The following NEDD4 variants were observed in gnomAD, a reference collection of about 807,000 sequenced individuals.
The protein encoded by NEDD4 is E3 ubiquitin-protein ligase NEDD4.
A neutral mutation model predicts 144.9 loss-of-function variants in NEDD4; 99 were observed. That is an observed-to-expected ratio of 0.68 (90% CI 0.58 to 0.81). NEDD4 has a LOEUF of 0.81. NEDD4 is among the 30% of genes least tolerant of loss of function. NEDD4 has a pLI of 0.00. For missense variants in NEDD4, 985 were observed against 1,065.9 expected, an observed-to-expected ratio of 0.92 and a Z score of 1.06; for synonymous variants, 318 against 350.6, an observed-to-expected ratio of 0.91 and a Z score of 1.04.
chr15:55,870,220 G>A (rs2034734248), intron 7 of NEDD4, among the ~76,000 whole-genome samples: 1 of 152,150 alleles, frequency 6.6e-6, no homozygotes. Context: ...AAATCACTGA[G>A]AATTTGGGGG....
At chr15:55,874,565 G>C (rs1409148761) in intron 5 of NEDD4, among the ~76,000 whole-genome samples, 3 of 152,166 alleles carry the variant, frequency 2.0e-5, no homozygotes, top group African/African-American at 7.2e-5. Context: ...GTTTTACTCT[G>C]AACTGAACAA....
chr15:55,944,295 T>A (rs1329721067), intron 4 of NEDD4, among the ~76,000 whole-genome samples: 2 of 152,222 alleles, frequency 1.3e-5, no homozygotes, highest in African/African-American at 2.4e-5. Context: ...AATACTGTGC[T>A]TTTCCCATGG....
intron 13 of NEDD4, 121 bp downstream of exon 13, chr15:55,852,302 AT>A (rs2034013546): frequency 6.8e-6 from 8 of 1,173,754 alleles, no homozygotes; most frequent in African/African-American, 6.4e-5. Context: ...TCTCAAAAAA[AT>A]AAAAAAAAAA....
At position 55,966,537 on chromosome 15, in the gene NEDD4, G is replaced by A. The variant is rs1263120228; in HGVS notation, c.55C>T (p.Arg19Ter). ...GCTATAACTCTTACTCTCACAATTC[G>A]TGAATTTTCCTAAAATACAAAAATT... is the stretch of plus-strand genomic sequence containing the variant. The part of the protein sequence containing the change: ...FGLLEDEENS[R>*]IVRVRVIAGI... Residue 19 changes from arginine (R) to a stop codon, truncating the protein, a stop_gained, in exon 2 of 29, where the codon CGA becomes TGA. Transcript: ENST00000435532. LOFTEE classifies it high-confidence loss of function. 1.3e-6 allele frequency: 2 copies of A among 1,512,882 alleles called. No homozygotes were observed. Among genetic ancestry groups the A allele is most frequent in the Non-Finnish European group, 8.8e-7 (1 of 1,130,850 alleles). 93.7% of individuals were successfully genotyped at this position (1,512,882 alleles called of 1,614,324 possible). A position where few individuals can be genotyped will look rare whatever the true frequency, so the allele number is the denominator to read the frequency against.
At chr15:55,841,656 C>A (rs977216477) in intron 19 of NEDD4, among the ~76,000 whole-genome samples, 2 of 151,922 alleles carry the variant, frequency 1.3e-5, no homozygotes, top group Admixed American at 1.3e-4. Context: ...GATCTCGGCT[C>A]CGCCTTCCGG....
At chr15:55,836,331 G>GACACACACACAC (rs10526731) in intron 24 of NEDD4, among the ~76,000 whole-genome samples, 4 of 147,942 alleles carry the variant, frequency 2.7e-5, no homozygotes, top group African/African-American at 1.0e-4. Context: ...AAAAGTATGT[G>GACACACACACAC]ACACACACAC....
chr15:55,851,012 A>G (rs538301727), intron 13 of NEDD4, among the ~76,000 whole-genome samples: 79 of 152,280 alleles, frequency 5.2e-4, no homozygotes, highest in Non-Finnish European at 9.3e-4. Context: ...CTAATTCTCA[A>G]GCAGTAAGAT....
chr15:55,841,834 G>A, intron 19 of NEDD4, 100 bp downstream of exon 19: 1 of 956,386 alleles, frequency 1.0e-6, no homozygotes, highest in South Asian at 1.5e-5. Flanking sequence ...GCCTCCCAAA[G>A]TGCTGGGATT....
chr15:55,944,487 G>C (rs190666208), intron 4 of NEDD4, among the ~76,000 whole-genome samples: 17 of 152,328 alleles, frequency 1.1e-4, no homozygotes, highest in Admixed American at 1.1e-3. Flanking sequence ...CAGCCGGGAA[G>C]CTGAAACTAG....
chr15:55,956,416 T>TC (rs755886792), intron 2 of NEDD4, among the ~76,000 whole-genome samples: 5 of 152,184 alleles, frequency 3.3e-5, no homozygotes, highest in Non-Finnish European at 5.9e-5. Flanking sequence ...TCCTATGTGT[T>TC]CCTATAGAAG....
At chr15:55,855,996 A>AT in intron 12 of NEDD4, 135 bp downstream of exon 12, 1 of 695,704 alleles carries the variant, frequency 1.4e-6, no homozygotes, top group Middle Eastern at 4.0e-4. Flanking sequence ...TTCCCTGAAC[A>AT]TCACCACCTG....
At chr15:55,870,121 G>A (rs1182830231) in intron 7 of NEDD4, among the ~76,000 whole-genome samples, 4 of 152,166 alleles carry the variant, frequency 2.6e-5, no homozygotes, top group Non-Finnish European at 4.4e-5. Context: ...CTAGATTATA[G>A]GACATGTAAA....
At chr15:55,968,366 T>G (rs1194843549) in intron 1 of NEDD4, among the ~76,000 whole-genome samples, 1 of 152,082 alleles carries the variant, frequency 6.6e-6, no homozygotes, top group Non-Finnish European at 1.5e-5. Flanking sequence ...ACAATCTTAA[T>G]AGCAAAAATT....
At position 55,900,088 on chromosome 15, in the gene NEDD4, G is replaced by A. The variant is rs148608949; in HGVS notation, c.291+24558C>T. Among the ~76,000 whole-genome samples, 675 of 150,418 alleles carry A rather than the reference G, an allele frequency of 4.5e-3. 3 individuals carry two copies. Among genetic ancestry groups the A allele is most frequent in the Non-Finnish European group, 7.2e-3 (485 of 67,764 alleles). Reference sequence around the variant, plus strand: ...CTCCACTTTTTTTTTTTTTAAACTAGTTTGGCTCATCATACCTAAGAAAAG... The same window carrying A: ...CTCCACTTTTTTTTTTTTTAAACTAATTTGGCTCATCATACCTAAGAAAAG... On this transcript the variant is annotated intron_variant, in intron 5 of 28. Coordinates refer to ENST00000435532, the MANE Select transcript of NEDD4 (RefSeq NM_006154.4).
At chr15:55,970,440 G>T (rs2037588438) in intron 1 of NEDD4, among the ~76,000 whole-genome samples, 1 of 152,184 alleles carries the variant, frequency 6.6e-6, no homozygotes, top group Non-Finnish European at 1.5e-5. Context: ...CCAGGAAATA[G>T]TCACCACAAG....
At chr15:55,903,845 CATATAT>C (rs34829007) in intron 5 of NEDD4, among the ~76,000 whole-genome samples, 120 of 122,300 alleles carry the variant, frequency 9.8e-4, no homozygotes, top group East Asian at 1.9e-3. Context: ...AAAAAACACA[CATATAT>C]ATATATATAT....
Position 55,955,814 on chromosome 15 carries a change from ATT to A in NEDD4, c.120-4227_120-4226del, listed in dbSNP as rs71297639. Among the ~76,000 whole-genome samples the A allele has an allele frequency of 7.8e-3, 1,019 of 130,190 alleles. 13 individuals are homozygous for A. The highest frequency in any genetic ancestry group is 0.026 in the African/African-American group (927 of 35,116). The allele number at this position is 130,190 out of a possible 152,430, so 85.4% of individuals were successfully genotyped here. A position where few individuals can be genotyped will look rare whatever the true frequency, so the allele number is the denominator to read the frequency against. ...AAAACTACAAAAGGATCTATACTAC[ATT>A]TTTTTTTTTTTTTTTTTGAGGCAGG... On this transcript the variant is annotated intron_variant, in intron 2 of 28. Transcript: ENST00000435532.
rs763928504 is a variant in NEDD4, at chr15:55,953,274, C to T, written c.120-1685G>A. 7.4e-4 allele frequency among the ~76,000 whole-genome samples: 113 copies of T among 151,992 alleles called. 1 individual carries two copies. The highest frequency in any genetic ancestry group is 7.2e-4 in the Admixed American group (11 of 15,240). On this transcript the variant is annotated intron_variant, in intron 2 of 28. Transcript: ENST00000435532. The stretch of plus-strand genomic sequence containing the variant: ...AAAGTGCTGGGATTACCCACGTGAG[C>T]CATAGCGCTGAGCCCGTATATTAAT...
At chr15:55,945,657 T>C (rs1244144101) in intron 4 of NEDD4, among the ~76,000 whole-genome samples, 2 of 151,950 alleles carry the variant, frequency 1.3e-5, no homozygotes, top group Middle Eastern at 3.4e-3. Flanking sequence ...GAAATACAGA[T>C]AACACCACAA....
Sources: allele counts gnomAD v4.1 joint callset (sites outside exome capture counted in the v4.1 genomes callset), GRCh38; gene constraint gnomAD v4.1.1; transcripts MANE v1.5; gene names NCBI Gene and HGNC (gene_info 2026-07-23, HGNC 2026-07-21).